SPIRE1: variants seen among roughly 807,000 people sequenced by gnomAD.
SPIRE1 encodes spire type actin nucleation factor 1, also known as protein spire homolog 1.
Under a neutral mutation model 94.1 loss-of-function variants are expected in SPIRE1, and 40 were observed. The ratio of observed to expected loss-of-function variants is 0.43; its 90% CI spans 0.33 to 0.55. SPIRE1 has a LOEUF of 0.55. Ranked by LOEUF, SPIRE1 falls within the 20% of genes least tolerant of loss-of-function variation. The pLI is 0.06. For missense variants in SPIRE1, 838 were observed against 975.2 expected, an observed-to-expected ratio of 0.86 and a Z score of 1.87; for synonymous variants, 376 against 371.7, an observed-to-expected ratio of 1.01 and a Z score of -0.13.
intron 4 of SPIRE1, among the ~76,000 whole-genome samples, chr18:12,530,373 T>G (rs564118881): frequency 1.3e-5 from 2 of 152,266 alleles, no homozygotes; most frequent in South Asian, 4.2e-4. Flanking sequence ...CTCCCCGATT[T>G]TTATGTTTTT....
At chr18:12,529,746 G>T (rs774072070) in intron 4 of SPIRE1, among the ~76,000 whole-genome samples, 2 of 152,180 alleles carry the variant, frequency 1.3e-5, no homozygotes, top group Non-Finnish European at 2.9e-5. Context: ...ACAAGAAAGT[G>T]CAAGAGGAAG....
upstream of SPIRE1, chr18:12,658,234 C>G: frequency 2.0e-6 from 1 of 503,456 alleles, no homozygotes; most frequent in Non-Finnish European, 3.6e-6. Context: ...GGCCTCGCCT[C>G]GAGGCGAGAT....
At chr18:12,568,897 G>T (rs988878127) in intron 2 of SPIRE1, among the ~76,000 whole-genome samples, 1 of 150,644 alleles carries the variant, frequency 6.6e-6, no homozygotes, top group African/African-American at 2.4e-5. Context: ...GCGTGATCCA[G>T]CCTGAACAGC....
Position 12,535,477 on chromosome 18 carries a change from T to G in SPIRE1, c.728A>C (p.Glu243Ala). ...AAATATCAAAGCAGTAGTACTCACC[T>G]CTTTCGCACTCTTAATTTTGGTCAG... ...TFLTKIKSAK[E>A]NLKKIQEMEK... Residue 243 changes from glutamate (E) to alanine (A), a missense_variant and splice_region_variant, in exon 4 of 17, where the codon GAG (glutamate) becomes GCG (alanine). Glu to Ala is a moderately radical substitution (Grantham distance 107). This residue lies in a region of SPIRE1 where 645 missense variants were observed against 804.7 expected (regional missense o/e 0.80). Coordinates refer to ENST00000409402, the MANE Select transcript of SPIRE1 (RefSeq NM_001128626.2). 1 of 1,611,628 alleles carries G rather than the reference T, an allele frequency of 6.2e-7. No homozygotes were observed. Among genetic ancestry groups the G allele is most frequent in the Non-Finnish European group, 8.5e-7 (1 of 1,178,258 alleles).
chr18:12,528,832 A>G (rs1218981723), intron 4 of SPIRE1, among the ~76,000 whole-genome samples: 1 of 152,234 alleles, frequency 6.6e-6, no homozygotes, highest in African/African-American at 2.4e-5. Flanking sequence ...GATGCAAGAC[A>G]GATGGTGAGA....
chr18:12,654,139 C>T (rs1307235076), intron 1 of SPIRE1, among the ~76,000 whole-genome samples: 1 of 149,962 alleles, frequency 6.7e-6, no homozygotes, highest in Non-Finnish European at 1.5e-5. Flanking sequence ...GAGTTTGAGA[C>T]CAGCTCAGCC....
At chr18:12,450,273 C>T (rs2031168879) in intron 16 of SPIRE1, among the ~76,000 whole-genome samples, 1 of 151,676 alleles carries the variant, frequency 6.6e-6, no homozygotes, top group South Asian at 2.1e-4. Context: ...GCGGGAGAAT[C>T]GCTTGAACCC....
Position 12,527,056 on chromosome 18 carries a change from T to A in SPIRE1, c.729+8420A>T, listed in dbSNP as rs141881883. The stretch of plus-strand genomic sequence containing the variant: ...GCATGAATAAAATGATTCTCCCAAC[T>A]GATCCTAGTTCCTCTGACAGCCAGC... On this transcript the variant is annotated intron_variant, in intron 4 of 16. Transcript: ENST00000409402. Among the ~76,000 whole-genome samples the A allele has an allele frequency of 4.4e-3, 666 of 152,258 alleles. 1 individual carries two copies. The highest frequency in any genetic ancestry group is 6.8e-3 in the Middle Eastern group (2 of 294).
intron 1 of SPIRE1, among the ~76,000 whole-genome samples, chr18:12,648,055 T>C (rs557476934): frequency 1.3e-5 from 2 of 152,128 alleles, no homozygotes; most frequent in East Asian, 3.9e-4. Flanking sequence ...AAGTACAAAA[T>C]ACATGTCAAT....
chr18:12,598,230 C>A (rs1292437881), intron 2 of SPIRE1, among the ~76,000 whole-genome samples: 2 of 152,100 alleles, frequency 1.3e-5, no homozygotes, highest in Non-Finnish European at 2.9e-5. Context: ...ATCTAAAATT[C>A]TTTTTGAATT....
At chr18:12,476,604 CACACATATATACACACACATATATAT>C (rs1568194582) in intron 10 of SPIRE1, among the ~76,000 whole-genome samples, 1 of 132,656 alleles carries the variant, frequency 7.5e-6, no homozygotes, top group Non-Finnish European at 1.6e-5. Context: ...CACACACACA[CACACATATATACACACACATATATAT>C]ACACATATAT....
chr18:12,570,080 C>T (rs77439900), intron 2 of SPIRE1, among the ~76,000 whole-genome samples: 9 of 152,182 alleles, frequency 5.9e-5, no homozygotes, highest in Non-Finnish European at 1.0e-4. Flanking sequence ...AGAGCACCCA[C>T]CACGTATCCC....
chr18:12,522,174 T>TA (rs1331529648), intron 4 of SPIRE1, among the ~76,000 whole-genome samples: 1 of 152,310 alleles, frequency 6.6e-6, no homozygotes, highest in East Asian at 1.9e-4. Flanking sequence ...GACAAGCTCT[T>TA]AAAGGAAATT....
At chr18:12,648,678 T>C (rs2038291577) in intron 1 of SPIRE1, among the ~76,000 whole-genome samples, 1 of 151,740 alleles carries the variant, frequency 6.6e-6, no homozygotes, top group Non-Finnish European at 1.5e-5. Context: ...TCACCTGAGG[T>C]CAGGAGTTTG....
chr18:12,464,826 G>GT lies in SPIRE1; in HGVS notation c.1495+41dup, dbSNP rs1488367574. On this transcript the variant is annotated intron_variant, in intron 11 of 16. Coordinates refer to ENST00000409402, the MANE Select transcript of SPIRE1 (RefSeq NM_001128626.2). ...TGCTCTAGGTCAAGTGTGTTTTGTA[G>GT]TAAGACATCCGACTACAGCTCTTAG... 5.8e-6 allele frequency: 9 copies of GT among 1,544,090 alleles called. No individual in the cohort carries two copies. In the South Asian group the frequency reaches 9.0e-5, roughly 15 times the overall value.
intron 10 of SPIRE1, among the ~76,000 whole-genome samples, chr18:12,477,537 A>G (rs2143736560): frequency 6.6e-6 from 1 of 152,334 alleles, no homozygotes; most frequent in South Asian, 2.1e-4. Flanking sequence ...CTGGTGATAT[A>G]AAGTAAATTC....
intron 8 of SPIRE1, among the ~76,000 whole-genome samples, chr18:12,491,425 G>C (rs778156798): frequency 1.3e-5 from 2 of 151,850 alleles, no homozygotes; most frequent in African/African-American, 2.4e-5. Context: ...AAAACAGCAT[G>C]GTACTGGCAA....
At chr18:12,603,567 G>A (rs2036894505) in intron 2 of SPIRE1, among the ~76,000 whole-genome samples, 2 of 138,968 alleles carry the variant, frequency 1.4e-5, no homozygotes, top group East Asian at 4.3e-4. Context: ...CTGATCACCA[G>A]TAGCCAATTT....
At chr18:12,624,596 T>C (rs2144761010) in intron 2 of SPIRE1, among the ~76,000 whole-genome samples, 1 of 149,234 alleles carries the variant, frequency 6.7e-6, no homozygotes, top group South Asian at 2.1e-4. Context: ...TGGGAGGTGT[T>C]TAAGCTACCC....
Sources: allele counts gnomAD v4.1 joint callset (sites outside exome capture counted in the v4.1 genomes callset), GRCh38; gene constraint gnomAD v4.1.1; regional missense constraint gnomAD v4.1.1; transcripts MANE v1.5; gene names NCBI Gene and HGNC (gene_info 2026-07-23, HGNC 2026-07-21).